GLG1: variants seen among roughly 807,000 people sequenced by gnomAD.
GLG1 encodes the protein golgi glycoprotein 1.
A neutral mutation model predicts 160.5 loss-of-function variants in GLG1; 38 were observed. The observed-to-expected ratio is 0.24, with a 90% CI of 0.18 to 0.31. The LOEUF is 0.31. GLG1 is among the 10% of genes least tolerant of loss of function. GLG1 has a pLI of 1.00. For missense variants in GLG1, 1,373 were observed against 1,505.2 expected, an observed-to-expected ratio of 0.91 and a Z score of 1.45; for synonymous variants, 644 against 543.4, an observed-to-expected ratio of 1.19 and a Z score of -2.57.
At position 74,480,261 on chromosome 16, in the gene GLG1, T is replaced by A. The variant is rs777383995; in HGVS notation, c.1807A>T (p.Thr603Ser). 6.2e-7 allele frequency: 1 copy of A among 1,612,162 alleles called. No homozygotes were observed. Among genetic ancestry groups the A allele is most frequent in the Non-Finnish European group, 8.5e-7 (1 of 1,178,244 alleles). ...CATACCCTCCTTCCCTGTTCCTCAGTGCGGTAGGCGTGTCTGTATAAACAA... is the reference window on the plus strand; with the variant it reads ...CATACCCTCCTTCCCTGTTCCTCAGAGCGGTAGGCGTGTCTGTATAAACAA... The part of the protein sequence containing the change: ...FSCLYRHAYR[T>S]EEQGRRLSRE... The change falls in exon 11 of 26, where the codon ACT becomes TCT. Residue 603 changes from threonine to serine, a missense_variant. Thr to Ser is a moderately conservative substitution (Grantham distance 58). This residue lies in a region of GLG1 where 386 missense variants were observed against 388.5 expected (regional missense o/e 0.99). Coordinates refer to ENST00000422840, the MANE Select transcript of GLG1 (RefSeq NM_001145667.2).
rs188870899 is a variant in GLG1, at chr16:74,598,296, C to T, written c.438+8361G>A. 3.0e-3 allele frequency among the ~76,000 whole-genome samples: 445 copies of T among 147,832 alleles called. 1 individual carries two copies. Among genetic ancestry groups the T allele is most frequent in the African/African-American group, 0.01 (418 of 40,276 alleles). ...CAGCACTTTGGGAGGCCAAGGCGGGCGGATCACGAGGTCAAGAGATCAAGA... is the reference window on the plus strand; with the variant it reads ...CAGCACTTTGGGAGGCCAAGGCGGGTGGATCACGAGGTCAAGAGATCAAGA... On this transcript the variant is annotated intron_variant, in intron 1 of 25. Coordinates refer to ENST00000422840, the MANE Select transcript of GLG1 (RefSeq NM_001145667.2).
At chr16:74,594,756 T>C (rs1291644503) in intron 1 of GLG1, among the ~76,000 whole-genome samples, 5 of 151,812 alleles carry the variant, frequency 3.3e-5, no homozygotes, top group Non-Finnish European at 5.9e-5. Context: ...TGTTTTGTTT[T>C]TGAGACAGAC....
chr16:74,573,030 G>A (rs1008105249), intron 1 of GLG1, among the ~76,000 whole-genome samples: 2 of 152,076 alleles, frequency 1.3e-5, no homozygotes, highest in African/African-American at 4.8e-5. Flanking sequence ...GTTGGTGGGG[G>A]TAAAAAAATC....
At chr16:74,505,012 A>T (rs1356137724) in intron 3 of GLG1, among the ~76,000 whole-genome samples, 4 of 152,260 alleles carry the variant, frequency 2.6e-5, no homozygotes, top group Non-Finnish European at 5.9e-5. Context: ...AATTCTGACA[A>T]GAGGAAGGAG....
intron 1 of GLG1, among the ~76,000 whole-genome samples, chr16:74,570,424 T>C (rs1428428954): frequency 6.6e-6 from 1 of 151,834 alleles, no homozygotes; most frequent in African/African-American, 2.4e-5. Context: ...AATAAACTGC[T>C]CAATAGCAAA....
rs1048223639 is a variant in GLG1, at chr16:74,452,993, G to A, written c.*174C>T. On this transcript the variant is annotated 3_prime_UTR_variant, in exon 26 of 26. Transcript: ENST00000422840. The stretch of plus-strand genomic sequence containing the variant: ...TGCTGCTGCACGGTGAGGAGGAGGA[G>A]GACACCATGGACACGAGTGGAGGCT... 9.7e-6 allele frequency: 13 copies of A among 1,336,346 alleles called. No individual in the cohort carries two copies. In the Admixed American group the frequency reaches 1.4e-4, roughly 14 times the overall value. The allele number at this position is 1,336,346 out of a possible 1,614,324, so 82.8% of individuals were successfully genotyped here.
chr16:74,465,831 T>A lies in GLG1; in HGVS notation c.2530-18A>T, dbSNP rs759175903. 4.3e-6 allele frequency: 7 copies of A among 1,612,128 alleles called. No individual in the cohort carries two copies. Among genetic ancestry groups the A allele is most frequent in the Non-Finnish European group, 5.9e-6 (7 of 1,178,454 alleles). ...TCGATAATCTATGGCAAAAGAGTTA[T>A]AGTCAAGTTGAGAGATGTCAGAGAC... On this transcript the variant is annotated intron_variant, in intron 18 of 25. Coordinates refer to ENST00000422840, the MANE Select transcript of GLG1 (RefSeq NM_001145667.2).
At chr16:74,456,540 G>A in intron 25 of GLG1, 109 bp downstream of exon 25, 3 of 735,438 alleles carry the variant, frequency 4.1e-6, no homozygotes, top group Non-Finnish European at 7.2e-6. Context: ...AGGCTGGACA[G>A]CCACAGCGAG....
intron 1 of GLG1, among the ~76,000 whole-genome samples, chr16:74,603,540 G>T (rs9921672): frequency 0.71 from 107,783 of 151,902 alleles, 38,895 homozygotes; most frequent in African/African-American, 0.83. Flanking sequence ...CCTCCCAAAG[G>T]GCTAGGATTT....
At chr16:74,563,108 C>G (rs1347762202) in intron 1 of GLG1, 3 of 152,218 alleles carry the variant, frequency 2.0e-5, no homozygotes, top group African/African-American at 7.2e-5. Flanking sequence ...ACTCTTACCT[C>G]TCAATGTTTT....
At chr16:74,535,583 C>A (rs3973400) in intron 1 of GLG1, among the ~76,000 whole-genome samples, 19,012 of 151,936 alleles carry the variant, frequency 0.13, 1,552 homozygotes, top group Admixed American at 0.23. Flanking sequence ...AAGGTATGTG[C>A]CATGATAGCT....
At chr16:74,464,321 T>C (rs547915410) in intron 19 of GLG1, among the ~76,000 whole-genome samples, 6 of 152,286 alleles carry the variant, frequency 3.9e-5, no homozygotes, top group Non-Finnish European at 5.9e-5. Context: ...CACTAACCAA[T>C]GTGAACAAGG....
In GLG1 at chr16:74,496,790, T is replaced by C. The variant is rs2016206479; in HGVS notation, c.775-146A>G. 1.5e-5 allele frequency: 9 copies of C among 617,470 alleles called. 1 individual carries two copies. The South Asian group carries it at 1.6e-4, about 11-fold the overall frequency. The allele number at this position is 617,470 out of a possible 1,614,324, so 38.2% of individuals were successfully genotyped here. The stretch of plus-strand genomic sequence containing the variant: ...TCATAGAGTTGACTTATTAACGTTC[T>C]ACCAAGAAATCAAGTAAGAACCAAC... On this transcript the variant is annotated intron_variant, in intron 4 of 25. Transcript: ENST00000422840.
chr16:74,472,465 G>C, intron 13 of GLG1, 54 bp from the exon 14 acceptor site: 1 of 1,412,790 alleles, frequency 7.1e-7, no homozygotes, highest in Admixed American at 1.8e-5. Context: ...CCAGGGTGGA[G>C]GAGGAGCAGT....
chr16:74,536,605 G>C (rs2017694341), intron 1 of GLG1, among the ~76,000 whole-genome samples: 1 of 152,212 alleles, frequency 6.6e-6, no homozygotes, highest in Non-Finnish European at 1.5e-5. Flanking sequence ...GGAGTGGAGT[G>C]ATTCCTCAAG....
chr16:74,530,182 T>C (rs2017486790), intron 2 of GLG1, among the ~76,000 whole-genome samples: 1 of 152,134 alleles, frequency 6.6e-6, no homozygotes, highest in African/African-American at 2.4e-5. Flanking sequence ...TTGATGGATT[T>C]TGAGGTTTTC....
At chr16:74,606,538 C>G in intron 1 of GLG1, 119 bp downstream of exon 1, 1 of 787,530 alleles carries the variant, frequency 1.3e-6, no homozygotes, top group Non-Finnish European at 2.0e-6. Flanking sequence ...AGGGAAGGAG[C>G]GAGTGCAGCA....
intron 1 of GLG1, among the ~76,000 whole-genome samples, chr16:74,544,823 A>T (rs1007250033): frequency 9.2e-5 from 14 of 152,094 alleles, no homozygotes; most frequent in African/African-American, 3.4e-4. Context: ...TGTAAGCCTA[A>T]GTGGAGCAAA....
intron 1 of GLG1, among the ~76,000 whole-genome samples, chr16:74,567,804 A>G (rs1007511189): frequency 6.6e-6 from 1 of 150,976 alleles, no homozygotes; most frequent in South Asian, 2.1e-4. Flanking sequence ...TCCTGACCTC[A>G]TGATCCACCC....
Sources: allele counts gnomAD v4.1 joint callset (sites outside exome capture counted in the v4.1 genomes callset), GRCh38; gene constraint gnomAD v4.1.1; regional missense constraint gnomAD v4.1.1; transcripts MANE v1.5; gene names NCBI Gene and HGNC (gene_info 2026-07-23, HGNC 2026-07-21).